The following GALNTL5 variants were observed in gnomAD, a reference collection of about 807,000 sequenced individuals.
GALNTL5 encodes the protein inactive polypeptide N-acetylgalactosaminyltransferase-like protein 5.
Under a neutral mutation model 51.0 loss-of-function variants are expected in GALNTL5, and 44 were observed. The observed-to-expected ratio is 0.86, with a 90% CI of 0.68 to 1.11. The LOEUF is 1.11. Among genes scored for constraint, GALNTL5 ranks in the 50% least tolerant of loss-of-function variants. The pLI, the probability that GALNTL5 is intolerant of heterozygous loss-of-function variation, is 0.00. For synonymous variants in GALNTL5, 192 were observed against 182.8 expected (o/e 1.05, Z -0.41); for missense variants, 528 against 531.8 (o/e 0.99, Z 0.07).
Position 151,967,506 on chromosome 7 carries a change from AT to A in GALNTL5, c.247+20del. The stretch of plus-strand genomic sequence containing the variant: ...AAGTCTATGTTAGGTAAGTATTTGG[AT>A]TTTTTTCCGTTAGCCATTTGAAGGG... On this transcript the variant is annotated intron_variant, in intron 2 of 8. Coordinates refer to ENST00000392800, the MANE Select transcript of GALNTL5 (RefSeq NM_145292.4). 1.2e-6 allele frequency: 2 copies of A among 1,605,946 alleles called. No homozygotes were observed. Among genetic ancestry groups the A allele is most frequent in the South Asian group, 1.1e-5 (1 of 90,206 alleles).
chr7:151,987,625 TG>T (rs2081374936), intron 5 of GALNTL5, among the ~76,000 whole-genome samples: 1 of 17,522 alleles, frequency 5.7e-5, no homozygotes, highest in Admixed American at 6.4e-4. Flanking sequence ...GGGGGTGGGG[TG>T]GGCGGGAGGG....
intron 7 of GALNTL5, among the ~76,000 whole-genome samples, chr7:152,011,073 G>A (rs2081731893): frequency 6.6e-6 from 1 of 152,170 alleles, no homozygotes; most frequent in Non-Finnish European, 1.5e-5. Context: ...CAGAGAGGTT[G>A]AGTAACTTGC....
At chr7:151,971,210 T>C (rs2081134231) in intron 3 of GALNTL5, 145 bp downstream of exon 3, 2 of 635,738 alleles carry the variant, frequency 3.1e-6, no homozygotes, top group Non-Finnish European at 5.2e-6. Flanking sequence ...TTTTTAGGAC[T>C]TGAAGTCAGA....
chr7:151,988,936 G>A (rs1426507450), intron 5 of GALNTL5, among the ~76,000 whole-genome samples: 2 of 151,728 alleles, frequency 1.3e-5, no homozygotes, highest in Admixed American at 6.6e-5. Flanking sequence ...CTGGCCTCAA[G>A]TGATCTGCCC....
At chr7:151,964,922 G>A (rs1231656782) in intron 1 of GALNTL5, among the ~76,000 whole-genome samples, 1 of 152,188 alleles carries the variant, frequency 6.6e-6, no homozygotes, top group Non-Finnish European at 1.5e-5. Flanking sequence ...GGGATCCTGT[G>A]TGGGAGGAAG....
chr7:151,958,793 C>T (rs970707673), intron 1 of GALNTL5, among the ~76,000 whole-genome samples: 1 of 152,200 alleles, frequency 6.6e-6, no homozygotes, highest in South Asian at 2.1e-4. Context: ...AATGAGGTTA[C>T]ACAGACACTG....
At chr7:152,001,147 A>C (rs1449512250) in intron 5 of GALNTL5, among the ~76,000 whole-genome samples, 1 of 151,392 alleles carries the variant, frequency 6.6e-6, no homozygotes, top group East Asian at 1.9e-4. Context: ...TCCTGACCTC[A>C]GGTGATCCAC....
chr7:151,995,703 A>G (rs921028736), intron 5 of GALNTL5, among the ~76,000 whole-genome samples: 1 of 152,144 alleles, frequency 6.6e-6, no homozygotes, highest in Non-Finnish European at 1.5e-5. Flanking sequence ...ATAAATGCTT[A>G]TTATACAGCA....
chr7:151,965,138 C>T (rs2081042563), intron 1 of GALNTL5, among the ~76,000 whole-genome samples: 1 of 152,186 alleles, frequency 6.6e-6, no homozygotes, highest in African/African-American at 2.4e-5. Flanking sequence ...ACGTGGCTTT[C>T]CCCAAGCCCA....
chr7:151,965,602 G>A (rs1586804970), intron 1 of GALNTL5, among the ~76,000 whole-genome samples: 1 of 152,120 alleles, frequency 6.6e-6, no homozygotes, highest in Non-Finnish European at 1.5e-5. Context: ...TAGGAGGCTG[G>A]ACATGGTGGC....
chr7:152,012,783 A>C (rs2081754463), intron 7 of GALNTL5, among the ~76,000 whole-genome samples: 1 of 152,194 alleles, frequency 6.6e-6, no homozygotes, highest in African/African-American at 2.4e-5. Flanking sequence ...CCTGGCCAAC[A>C]TGGTGAAACC....
chr7:152,016,037 T>G (rs2081808884), intron 8 of GALNTL5, among the ~76,000 whole-genome samples: 1 of 152,202 alleles, frequency 6.6e-6, no homozygotes, highest in African/African-American at 2.4e-5. Context: ...ATTTCTTTTG[T>G]AATTAGAGAA....
At chr7:152,010,597 G>A (rs572584014) in intron 7 of GALNTL5, among the ~76,000 whole-genome samples, 5 of 151,958 alleles carry the variant, frequency 3.3e-5, no homozygotes, top group African/African-American at 7.2e-5. Flanking sequence ...GTGAAACCCC[G>A]TCTCTTCTAA....
intron 7 of GALNTL5, among the ~76,000 whole-genome samples, chr7:152,014,382 C>G (rs540358062): frequency 6.6e-6 from 1 of 152,344 alleles, no homozygotes; most frequent in South Asian, 2.1e-4. Context: ...ATTCTCCTGC[C>G]TCAGCCTCCC....
At chr7:152,004,242 CAT>C (rs1314651878) in intron 6 of GALNTL5, among the ~76,000 whole-genome samples, 1 of 151,534 alleles carries the variant, frequency 6.6e-6, no homozygotes, top group Admixed American at 6.6e-5. Context: ...GAAAACTTCT[CAT>C]GTGTTAAATT....
chr7:151,970,928 A>C lies in GALNTL5; in HGVS notation c.248-17A>C, dbSNP rs1405559196. The C allele has an allele frequency of 6.3e-7, 1 of 1,583,892 alleles. No individual in the cohort carries two copies. Among genetic ancestry groups the C allele is most frequent in the Admixed American group, 1.7e-5 (1 of 57,510 alleles). ...GTAAGCCTTTACTTATATGATTCTAATTACATTTTCTTGCAGGTACAGATT... is the reference window on the plus strand; with the variant it reads ...GTAAGCCTTTACTTATATGATTCTACTTACATTTTCTTGCAGGTACAGATT... On this transcript the variant is annotated splice_polypyrimidine_tract_variant and intron_variant, in intron 2 of 8. Coordinates refer to ENST00000392800, the MANE Select transcript of GALNTL5 (RefSeq NM_145292.4).
rs528523063 is a variant in GALNTL5 at position 152,017,149 on chromosome 7, T to A, written c.1176+2356T>A. Among the ~76,000 whole-genome samples the A allele has an allele frequency of 2.0e-4, 31 of 152,310 alleles. No homozygotes were observed. In the South Asian group the frequency reaches 6.2e-3, roughly 31 times the overall value. ...AAATCATCATTAGGTGATTTCATTG[T>A]TGTGGGACCATCATAGCGTGTACCT... On this transcript the variant is annotated intron_variant, in intron 8 of 8. Transcript: ENST00000392800.
intron 3 of GALNTL5, among the ~76,000 whole-genome samples, chr7:151,971,736 G>T (rs969390017): frequency 5.3e-5 from 8 of 152,090 alleles, no homozygotes; most frequent in Non-Finnish European, 2.9e-5. Context: ...TTGGATCATG[G>T]GGGTGGTTTC....
At chr7:151,975,847 ATGT>A (rs539663871) in intron 3 of GALNTL5, among the ~76,000 whole-genome samples, 35 of 152,176 alleles carry the variant, frequency 2.3e-4, no homozygotes, top group African/African-American at 8.4e-4. Context: ...GGTTAGGAAC[ATGT>A]TGTTTAATTT....
Sources: gnomAD v4.1 joint callset for allele counts (sites outside exome capture counted in the v4.1 genomes callset) on GRCh38, gnomAD v4.1.1 for gene constraint, MANE v1.5 for transcripts, NCBI Gene and HGNC (gene_info 2026-07-23, HGNC 2026-07-21) for gene names.